The following ZZZ3 variants were observed in gnomAD, a reference collection of about 807,000 sequenced individuals.
ZZZ3 encodes zinc finger ZZ-type containing 3, also known as ZZ-type zinc finger-containing protein 3.
Under a neutral mutation model 95.2 loss-of-function variants are expected in ZZZ3, and 22 were observed. The ratio of observed to expected loss-of-function variants is 0.23; its 90% confidence interval spans 0.17 to 0.33. The LOEUF (loss-of-function observed/expected upper bound fraction) is 0.33. Among genes scored for constraint, ZZZ3 ranks in the 10% least tolerant of loss-of-function variants. ZZZ3 has a pLI of 1.00. For synonymous variants in ZZZ3, 335 were observed against 358.9 expected (o/e 0.93, Z 0.75); for missense variants, 885 against 1,066.5 (o/e 0.83, Z 2.37).
chr1:77,577,018 T>C (rs183749502), intron 11 of ZZZ3, among the ~76,000 whole-genome samples: 2 of 152,322 alleles, frequency 1.3e-5, no homozygotes, highest in East Asian at 1.9e-4. Context: ...TGCAGCTAGA[T>C]AGTGGTAGAA....
At chr1:77,626,280 G>T (rs1365883697) in intron 5 of ZZZ3, among the ~76,000 whole-genome samples, 1 of 152,146 alleles carries the variant, frequency 6.6e-6, no homozygotes, top group Non-Finnish European at 1.5e-5. Flanking sequence ...TGATGGGGTT[G>T]TTTCAGGATG....
intron 4 of ZZZ3, among the ~76,000 whole-genome samples, chr1:77,637,664 A>T (rs1668426237): frequency 6.6e-6 from 1 of 152,140 alleles, no homozygotes; most frequent in Non-Finnish European, 1.5e-5. Context: ...TTTCTGTTAG[A>T]AAATAAAAAA....
chr1:77,564,574 A>T lies in ZZZ3; in HGVS notation c.*1066T>A, dbSNP rs1660663772. ...TCCTGACAAATGAACATCATTCAAG[A>T]ACATACTGTATACACAGATAAGAAG... On this transcript the variant is annotated 3_prime_UTR_variant, in exon 15 of 15. Coordinates refer to ENST00000370801, the MANE Select transcript of ZZZ3 (RefSeq NM_015534.6). 6.6e-6 allele frequency: 1 copy of T among 152,652 alleles called. No homozygotes were observed. Among genetic ancestry groups the T allele is most frequent in the Non-Finnish European group, 1.5e-5 (1 of 68,012 alleles). 9.5% of individuals were successfully genotyped at this position (152,652 alleles called of 1,614,324 possible).
chr1:77,620,476 C>T (rs1364987829), intron 5 of ZZZ3, among the ~76,000 whole-genome samples: 22 of 109,208 alleles, frequency 2.0e-4, no homozygotes, highest in African/African-American at 6.3e-4. Context: ...AAAGAAAGAA[C>T]GAAAGAATGG....
intron 5 of ZZZ3, among the ~76,000 whole-genome samples, chr1:77,596,346 T>C (rs924261336): frequency 6.6e-6 from 1 of 152,128 alleles, no homozygotes; most frequent in African/African-American, 2.4e-5. Flanking sequence ...CAGTAGTTCC[T>C]AGAAGTTCAA....
At chr1:77,615,924 C>T (rs979384342) in intron 5 of ZZZ3, among the ~76,000 whole-genome samples, 3 of 151,794 alleles carry the variant, frequency 2.0e-5, no homozygotes, top group African/African-American at 7.3e-5. Flanking sequence ...GTCAAAGGGC[C>T]CCCCCACCAC....
chr1:77,642,992 G>T (rs79720016), intron 1 of ZZZ3, among the ~76,000 whole-genome samples: 1 of 151,944 alleles, frequency 6.6e-6, no homozygotes, highest in East Asian at 1.9e-4. Context: ...CAGAAGGATC[G>T]CTTGAGCCTA....
intron 1 of ZZZ3, among the ~76,000 whole-genome samples, chr1:77,658,528 T>TC (rs1557770143): frequency 1.8e-5 from 1 of 55,348 alleles, no homozygotes; most frequent in East Asian, 2.4e-4. Context: ...TTTTTTTTTT[T>TC]CTTCTTCTTC....
intron 5 of ZZZ3, among the ~76,000 whole-genome samples, chr1:77,612,338 G>A (rs1665892968): frequency 6.6e-6 from 1 of 151,910 alleles, no homozygotes; most frequent in South Asian, 2.1e-4. Context: ...GCACACTGTT[G>A]GTGGAAATGT....
Position 77,581,792 on chromosome 1 carries a change from G to C in ZZZ3, c.1892C>G (p.Ser631Ter). ...ACTGCTTACCTGAGGACGACTGCTT[G>C]AGCCTTCTGGACCATCACTCAAAGG... ...MLPLSDGPEG[S>*]SSRPQMIRGR... The change falls in exon 8 of 15, where the codon TCA becomes TGA. Residue 631 changes from serine (S) to a stop codon, truncating the protein, a stop_gained. Coordinates refer to ENST00000370801, the MANE Select transcript of ZZZ3 (RefSeq NM_015534.6). LOFTEE classifies it high-confidence loss of function. 6.2e-7 allele frequency: 1 copy of C among 1,613,174 alleles called. No individual in the cohort carries two copies. Among genetic ancestry groups the C allele is most frequent in the Non-Finnish European group, 8.5e-7 (1 of 1,179,506 alleles).
At chr1:77,587,258 C>CTTTTTTT (rs34952237) in intron 5 of ZZZ3, among the ~76,000 whole-genome samples, 1 of 85,264 alleles carries the variant, frequency 1.2e-5, no homozygotes, top group Admixed American at 1.6e-4. Flanking sequence ...AACTTTGACC[C>CTTTTTTT]TTTTTTTTTT....
chr1:77,649,842 C>T (rs1217723828), intron 1 of ZZZ3, among the ~76,000 whole-genome samples: 1 of 151,128 alleles, frequency 6.6e-6, no homozygotes, highest in Non-Finnish European at 1.5e-5. Context: ...CATGGCACTC[C>T]AGCCTGGGCA....
chr1:77,614,111 T>C (rs899592695), intron 5 of ZZZ3, among the ~76,000 whole-genome samples: 7 of 152,154 alleles, frequency 4.6e-5, no homozygotes, highest in Non-Finnish European at 1.0e-4. Flanking sequence ...TAATGTAAAA[T>C]ATTTTTTAAA....
chr1:77,594,617 T>C (rs537063557), intron 5 of ZZZ3, among the ~76,000 whole-genome samples: 31 of 152,072 alleles, frequency 2.0e-4, no homozygotes, highest in Non-Finnish European at 4.0e-4. Flanking sequence ...ACTGTTTTAA[T>C]ATTCTGTTTA....
At chr1:77,675,128 G>A (rs957576572) in intron 1 of ZZZ3, among the ~76,000 whole-genome samples, 1 of 151,844 alleles carries the variant, frequency 6.6e-6, no homozygotes, top group African/African-American at 2.4e-5. Context: ...AAAGAGAGAA[G>A]TATTACAAAG....
intron 11 of ZZZ3, among the ~76,000 whole-genome samples, chr1:77,578,224 G>A (rs955270046): frequency 9.2e-5 from 14 of 152,092 alleles, no homozygotes. Context: ...AAGAATTGTA[G>A]AAAGGATTAA....
chr1:77,639,397 A>G, intron 4 of ZZZ3, 52 bp downstream of exon 4: 1 of 1,425,810 alleles, frequency 7.0e-7, no homozygotes. Flanking sequence ...AAAAAAAAGA[A>G]GAAGAAGTCA....
intron 6 of ZZZ3, among the ~76,000 whole-genome samples, chr1:77,582,985 G>C (rs1397459449): frequency 1.3e-5 from 2 of 152,066 alleles, no homozygotes; most frequent in African/African-American, 4.8e-5. Context: ...TGCATTTGCA[G>C]TCCCAGATAC....
intron 1 of ZZZ3, among the ~76,000 whole-genome samples, chr1:77,664,755 A>G (rs1006896550): frequency 6.6e-6 from 1 of 152,182 alleles, no homozygotes; most frequent in Non-Finnish European, 1.5e-5. Flanking sequence ...GGACAACAAA[A>G]AGTACCTTTT....
Sources: gnomAD v4.1 joint callset for allele counts (sites outside exome capture counted in the v4.1 genomes callset) on GRCh38, gnomAD v4.1.1 for gene constraint, MANE v1.5 for transcripts, NCBI Gene and HGNC (gene_info 2026-07-23, HGNC 2026-07-21) for gene names.